UNC5A: variants seen among roughly 807,000 people sequenced by gnomAD.
The protein encoded by UNC5A is unc-5 netrin receptor A, also known as netrin receptor UNC5A.
Under a neutral mutation model 87.4 loss-of-function variants are expected in UNC5A, and 20 were observed. That is an observed-to-expected ratio of 0.23 (90% confidence interval 0.16 to 0.33). The LOEUF (loss-of-function observed/expected upper bound fraction) is 0.33, where lower values mean the gene tolerates loss of function less well. Ranked by LOEUF, UNC5A falls within the 10% of genes least tolerant of loss-of-function variation. UNC5A has a pLI of 1.00. For missense variants in UNC5A, 844 were observed against 1,133.4 expected (o/e 0.74, Z 3.67); for synonymous variants, 438 against 482.3 (o/e 0.91, Z 1.20).
chr5:176,822,312 G>A (rs1756746638), intron 1 of UNC5A, among the ~76,000 whole-genome samples: 1 of 152,236 alleles, frequency 6.6e-6, no homozygotes, highest in Non-Finnish European at 1.5e-5. Flanking sequence ...AGGATCTGCG[G>A]TTGATAAAAC....
Position 176,874,667 on chromosome 5 carries a change from A to G in UNC5A, c.1378+101A>G. ...CGTGCCCCTCGGTGTCCCGTGACAG[A>G]TCAGCAAGGAAAGGGGGTGGAGTTT... On this transcript the variant is annotated intron_variant, in intron 8 of 14. Transcript: ENST00000329542. The surrounding 1 kb of genome is among the most constrained non-coding windows in gnomAD (Gnocchi z 7.6). 1 of 1,348,056 alleles carries G rather than the reference A, an allele frequency of 7.4e-7. No individual in the cohort carries two copies. The highest frequency in any genetic ancestry group is 9.9e-7 in the Non-Finnish European group (1 of 1,007,046). 83.5% of individuals were successfully genotyped at this position (1,348,056 alleles called of 1,614,324 possible).
At position 176,824,241 on chromosome 5, in the gene UNC5A, G is replaced by A. The variant is rs1209502878; in HGVS notation, c.70+13421G>A. Among the ~76,000 whole-genome samples the A allele has an allele frequency of 4.6e-5, 7 of 152,246 alleles. No homozygotes were observed. Among genetic ancestry groups the A allele is most frequent in the Admixed American group, 4.6e-4 (7 of 15,290 alleles). Reference sequence around the variant, plus strand: ...TGGAAAGCGGCCGTGGGGCTGAGGCGGGTGAGGCCAGCGCACAGGGAGATC... The same window carrying A: ...TGGAAAGCGGCCGTGGGGCTGAGGCAGGTGAGGCCAGCGCACAGGGAGATC... On this transcript the variant is annotated intron_variant, in intron 1 of 14. Transcript: ENST00000329542. This position sits in a 1 kb window ranked among gnomAD's most constrained non-coding sequence, Gnocchi z 4.2.
At chr5:176,859,602 ATGG>A (rs1757779836) in intron 1 of UNC5A, among the ~76,000 whole-genome samples, 1 of 69,344 alleles carries the variant, frequency 1.4e-5, no homozygotes, top group African/African-American at 3.2e-5. Context: ...GCTAGAGGGC[ATGG>A]CTGCTACAAT....
rs548658261 is a variant in UNC5A at position 176,815,950 on chromosome 5, G to C, written c.70+5130G>C. Among the ~76,000 whole-genome samples the C allele has an allele frequency of 2.6e-5, 4 of 152,374 alleles. No homozygotes were observed. In the South Asian group the frequency reaches 8.3e-4, roughly 32 times the overall value. The stretch of plus-strand genomic sequence containing the variant: ...GGCTCAGCTTTTCATGCAACTGTGT[G>C]TTGATGATCATCTCTGACTCTCAGG... On this transcript the variant is annotated intron_variant, in intron 1 of 14. Coordinates refer to ENST00000329542, the MANE Select transcript of UNC5A (RefSeq NM_133369.3).
intron 1 of UNC5A, among the ~76,000 whole-genome samples, chr5:176,862,408 G>C (rs1757862518): frequency 6.6e-6 from 1 of 152,260 alleles, no homozygotes; most frequent in Non-Finnish European, 1.5e-5. Flanking sequence ...CTTCAGGATG[G>C]CATGGGCTGC....
At chr5:176,831,881 CTCTCTTTTTTTTT>C (rs1226741432) in intron 1 of UNC5A, among the ~76,000 whole-genome samples, 6 of 31,242 alleles carry the variant, frequency 1.9e-4, no homozygotes, top group South Asian at 2.0e-3. Context: ...CACTTTCTCT[CTCTCTTTTTTTTT>C]TTTTTTTTTT....
rs112518696 is a variant in UNC5A at position 176,870,575 on chromosome 5, G to A, written c.886+41G>A. 59 of 1,539,290 alleles carry A rather than the reference G, an allele frequency of 3.8e-5. 1 individual carries two copies. The African/African-American group carries it at 5.9e-4, about 15-fold the overall frequency. On this transcript the variant is annotated intron_variant, in intron 6 of 14. Transcript: ENST00000329542. Reference sequence around the variant, plus strand: ...CCTGAGGTCCTCTTCTGTTTGCCTGGATTGGCCTTGCCCAGCCCTGGGGAG... The same window carrying A: ...CCTGAGGTCCTCTTCTGTTTGCCTGAATTGGCCTTGCCCAGCCCTGGGGAG...
chr5:176,851,397 A>G (rs1757537604), intron 1 of UNC5A, among the ~76,000 whole-genome samples: 1 of 152,190 alleles, frequency 6.6e-6, no homozygotes, highest in South Asian at 2.1e-4. Context: ...CACCTTGCAC[A>G]ACCTGAGCTG....
At chr5:176,830,722 A>C in intron 1 of UNC5A, among the ~76,000 whole-genome samples, 1 of 14,466 alleles carries the variant, frequency 6.9e-5, no homozygotes, top group Non-Finnish European at 2.7e-4. Flanking sequence ...GTGTGCTGGC[A>C]TGTATGTGTG....
intron 1 of UNC5A, among the ~76,000 whole-genome samples, chr5:176,812,437 G>T (rs1756482793): frequency 6.6e-6 from 1 of 152,188 alleles, no homozygotes; most frequent in African/African-American, 2.4e-5. Flanking sequence ...TAACCAGGGG[G>T]GTTGGCATGG....
rs1758373533 is a variant in UNC5A, at chr5:176,879,867, T to C, written c.2510T>C (p.Val837Ala). Reference protein sequence around the residue: ...LGQPDAGLFTVSEAEC With the variant: ...LGQPDAGLFTASEAEC ...CAGCCAGACGCTGGCCTCTTCACAGTGTCGGAGGCTGAGTGCTGAGGCCGG... is the reference window on the plus strand; with the variant it reads ...CAGCCAGACGCTGGCCTCTTCACAGCGTCGGAGGCTGAGTGCTGAGGCCGG... The change falls in exon 15 of 15, where the codon GTG becomes GCG. Residue 837 changes from valine to alanine, a missense_variant. Physicochemically the swap from Val to Ala is moderately conservative, Grantham distance 64. Transcript: ENST00000329542. 2.5e-6 allele frequency: 4 copies of C among 1,611,766 alleles called. No individual in the cohort carries two copies. The highest frequency in any genetic ancestry group is 3.4e-6 in the Non-Finnish European group (4 of 1,179,610).
Position 176,874,265 on chromosome 5 carries a change from C to T in UNC5A, c.1077C>T (p.Asp359=). 1.3e-6 allele frequency: 2 copies of T among 1,583,374 alleles called. No homozygotes were observed. Among genetic ancestry groups the T allele is most frequent in the South Asian group, 1.2e-5 (1 of 86,200 alleles). ...CCTGAGTCTGTCTTTATCCTGCAGA[C>T]AACCCCCATCTGCTCACCATCCAGC... ...QPVSIKPSKA[D]NPHLLTIQPD... Residue 359 remains aspartate, a splice_region_variant and synonymous_variant, in exon 8 of 15, where the codon GAC becomes GAT. Transcript: ENST00000329542. This position sits in a 1 kb window ranked among gnomAD's most constrained non-coding sequence, Gnocchi z 7.6.
rs887109320 is a variant in UNC5A at position 176,869,956 on chromosome 5, G to A, written c.722-414G>A. Among the ~76,000 whole-genome samples, 10 of 152,110 alleles carry A rather than the reference G, an allele frequency of 6.6e-5. No homozygotes were observed. Among genetic ancestry groups the A allele is most frequent in the African/African-American group, 9.7e-5 (4 of 41,442 alleles). On this transcript the variant is annotated intron_variant, in intron 5 of 14. Transcript: ENST00000329542. The surrounding 1 kb of genome is among the most constrained non-coding windows in gnomAD (Gnocchi z 9.1). ...CGGTGTATGGTTGGAGTCAGGGCTC[G>A]ATCTGTGTCCAATGTCAGGGCTCAA... is the stretch of plus-strand genomic sequence containing the variant.
At chr5:176,823,868 G>C (rs114158145) in intron 1 of UNC5A, among the ~76,000 whole-genome samples, 1,593 of 152,328 alleles carry the variant, frequency 0.01, 20 homozygotes, top group African/African-American at 0.034. Context: ...TCTCGAGGGG[G>C]TTGGTAGTTT....
intron 1 of UNC5A, among the ~76,000 whole-genome samples, chr5:176,827,572 G>A (rs987234846): frequency 6.6e-6 from 1 of 152,134 alleles, no homozygotes. Flanking sequence ...CATTTGGGTC[G>A]TTTCTACCTT....
chr5:176,868,487 A>G (rs1758027095), intron 3 of UNC5A, 74 bp from the exon 4 acceptor site: 2 of 1,504,052 alleles, frequency 1.3e-6, no homozygotes, highest in South Asian at 1.2e-5. Flanking sequence ...CCCCTGCAGG[A>G]CAAGGGACAC....
chr5:176,870,820 C>T (rs1253628674), intron 6 of UNC5A, among the ~76,000 whole-genome samples: 1 of 151,192 alleles, frequency 6.6e-6, no homozygotes, highest in Non-Finnish European at 1.5e-5. Flanking sequence ...CCCACACTCA[C>T]CAACACCACA....
chr5:176,856,882 C>T (rs1204324248), intron 1 of UNC5A, among the ~76,000 whole-genome samples: 1 of 152,174 alleles, frequency 6.6e-6, no homozygotes, highest in East Asian at 1.9e-4. Flanking sequence ...ACTGTAAAGG[C>T]CCCTGGGGTC....
At position 176,824,569 on chromosome 5, in the gene UNC5A, G is replaced by A. The variant is rs1023789786; in HGVS notation, c.70+13749G>A. 5.9e-5 allele frequency among the ~76,000 whole-genome samples: 9 copies of A among 152,028 alleles called. No individual in the cohort carries two copies. The highest frequency in any genetic ancestry group is 5.2e-4 in the Admixed American group (8 of 15,272). ...GATAGAACATTCTAAAAAAAAAAGA[G>A]AGAAAGAGAGAGAATTCACATAAAA... On this transcript the variant is annotated intron_variant, in intron 1 of 14. Transcript: ENST00000329542. The surrounding 1 kb of genome is among the most constrained non-coding windows in gnomAD (Gnocchi z 4.2).
Sources: allele counts gnomAD v4.1 joint callset (sites outside exome capture counted in the v4.1 genomes callset), GRCh38; gene constraint gnomAD v4.1.1; non-coding constraint Gnocchi (gnomAD v3.1); transcripts MANE v1.5; gene names NCBI Gene and HGNC (gene_info 2026-07-23, HGNC 2026-07-21).